The following PUM1 variants were observed in gnomAD, a reference collection of about 807,000 sequenced individuals.
PUM1 encodes pumilio RNA binding family member 1, also known as pumilio homolog 1.
Under a neutral mutation model 131.8 loss-of-function variants are expected in PUM1, and 13 were observed. The ratio of observed to expected loss-of-function variants is 0.10; its 90% CI spans 0.06 to 0.16. The LOEUF (loss-of-function observed/expected upper bound fraction) is 0.16. Among genes scored for constraint, PUM1 ranks in the 10% least tolerant of loss-of-function variants. The pLI, the probability that PUM1 is intolerant of heterozygous loss-of-function variation, is 1.00. For synonymous variants in PUM1, 509 were observed against 556.5 expected (o/e 0.91, Z 1.20); for missense variants, 961 against 1,512.4 (o/e 0.64, Z 6.05).
intron 14 of PUM1, among the ~76,000 whole-genome samples, chr1:30,964,177 G>T (rs547848648): frequency 2.0e-5 from 3 of 152,122 alleles, no homozygotes; most frequent in African/African-American, 7.2e-5. Context: ...TGGTTTGAGA[G>T]TTTATATTTA....
intron 21 of PUM1, among the ~76,000 whole-genome samples, chr1:30,935,371 C>A (rs1360637861): frequency 5.9e-5 from 9 of 152,184 alleles, no homozygotes; most frequent in Non-Finnish European, 1.2e-4. Flanking sequence ...AGACACCCTG[C>A]CCATTCCTGG....
intron 20 of PUM1, among the ~76,000 whole-genome samples, chr1:30,940,886 A>G (rs1639415620): frequency 6.6e-6 from 1 of 152,214 alleles, no homozygotes; most frequent in Non-Finnish European, 1.5e-5. Context: ...ACAAGTTAAT[A>G]AAATATTCAG....
At chr1:31,005,100 TG>T in intron 5 of PUM1, among the ~76,000 whole-genome samples, 1 of 152,260 alleles carries the variant, frequency 6.6e-6, no homozygotes, top group African/African-American at 2.4e-5. Context: ...AAGACTCAAA[TG>T]GAAATACATC....
intron 3 of PUM1, among the ~76,000 whole-genome samples, chr1:31,026,047 T>C (rs1426489237): frequency 6.6e-6 from 1 of 151,168 alleles, no homozygotes; most frequent in Non-Finnish European, 1.5e-5. Flanking sequence ...AGCTCAGAAG[T>C]TCAAGACCAG....
chr1:30,995,186 T>C lies in PUM1; in HGVS notation c.755A>G (p.Lys252Arg), dbSNP rs1234966203. 1 of 1,614,044 alleles carries C rather than the reference T, an allele frequency of 6.2e-7. No homozygotes were observed. Among genetic ancestry groups the C allele is most frequent in the Non-Finnish European group, 8.5e-7 (1 of 1,180,028 alleles). Residue 252 changes from lysine (K) to arginine (R), a missense_variant, in exon 6 of 22, where the codon AAA (lysine) becomes AGA (arginine). Coordinates refer to ENST00000426105, the MANE Select transcript of PUM1 (RefSeq NM_001020658.2). ...PRDADSDEND[K>R]GEKKNKGTFD... ...CGTACCCTTGTTCTTCTTTTCACCTTTGTCGTTTTCATCACTGTCTGCATC... is the reference window on the plus strand; with the variant it reads ...CGTACCCTTGTTCTTCTTTTCACCTCTGTCGTTTTCATCACTGTCTGCATC...
chr1:30,986,928 G>T (rs940846972), intron 7 of PUM1, among the ~76,000 whole-genome samples: 4 of 152,082 alleles, frequency 2.6e-5, no homozygotes, highest in Non-Finnish European at 5.9e-5. Context: ...AACACATGCC[G>T]ATTTCCACTC....
chr1:31,014,619 C>T (rs1209957634), intron 3 of PUM1, among the ~76,000 whole-genome samples: 1 of 152,062 alleles, frequency 6.6e-6, no homozygotes, highest in South Asian at 2.1e-4. Flanking sequence ...GAAAACCTGT[C>T]TCTACTAAAA....
chr1:31,008,440 C>A (rs1187580276), intron 3 of PUM1, among the ~76,000 whole-genome samples: 1 of 151,874 alleles, frequency 6.6e-6, no homozygotes, highest in Non-Finnish European at 1.5e-5. Flanking sequence ...TGCACAGATA[C>A]CTAAGTTTCC....
At chr1:30,968,523 A>G in intron 10 of PUM1, 31 bp from the exon 11 acceptor site, 1 of 1,581,862 alleles carries the variant, frequency 6.3e-7, no homozygotes, top group Non-Finnish European at 8.5e-7. Context: ...TAACTCAACC[A>G]CTTTCTTTTC....
chr1:31,054,093 CAAAAA>C (rs368330168), intron 2 of PUM1, among the ~76,000 whole-genome samples: 81 of 54,876 alleles, frequency 1.5e-3, no homozygotes, highest in South Asian at 6.6e-3. Context: ...GACTTTATTT[CAAAAA>C]AAAAAAAAAA....
chr1:30,969,332 A>AAAG (rs56808779), intron 10 of PUM1, among the ~76,000 whole-genome samples: 28,836 of 133,320 alleles, frequency 0.22, 2,717 homozygotes, highest in Non-Finnish European at 0.27. Flanking sequence ...AAAAAAAAAA[A>AAAG]AAAAGAAAAA....
chr1:31,019,527 CA>C (rs1445422145), intron 3 of PUM1, among the ~76,000 whole-genome samples: 1 of 152,166 alleles, frequency 6.6e-6, no homozygotes, highest in Admixed American at 6.5e-5. Flanking sequence ...CCAAGCACAT[CA>C]AAAGATATCA....
intron 8 of PUM1, among the ~76,000 whole-genome samples, 176 bp downstream of exon 8, chr1:30,981,136 A>G (rs2124469047): frequency 6.6e-6 from 1 of 152,344 alleles, no homozygotes; most frequent in South Asian, 2.1e-4. Context: ...TCTACAAGCT[A>G]TGTCAAAACT....
At chr1:31,063,662 TA>T (rs1644415102) in intron 1 of PUM1, among the ~76,000 whole-genome samples, 1 of 152,104 alleles carries the variant, frequency 6.6e-6, no homozygotes, top group South Asian at 2.1e-4. Context: ...AATATCCACA[TA>T]AAAGAGGAGT....
intron 17 of PUM1, 51 bp from the exon 18 acceptor site, chr1:30,945,534 G>A: frequency 6.3e-7 from 1 of 1,597,246 alleles, no homozygotes; most frequent in Non-Finnish European, 8.6e-7. Flanking sequence ...CAAACATGTG[G>A]ACAAATAATA....
intron 7 of PUM1, among the ~76,000 whole-genome samples, chr1:30,984,857 T>C (rs1641486880): frequency 1.3e-5 from 2 of 152,182 alleles, no homozygotes; most frequent in African/African-American, 4.8e-5. Flanking sequence ...TGGCTTTTTT[T>C]TTCTAAACCT....
chr1:31,027,107 CAAT>C (rs1025139372), intron 3 of PUM1, among the ~76,000 whole-genome samples: 15 of 152,058 alleles, frequency 9.9e-5, no homozygotes, highest in Non-Finnish European at 1.8e-4. Flanking sequence ...GCTCACAAAA[CAAT>C]AATAGGGCAT....
intron 1 of PUM1, among the ~76,000 whole-genome samples, chr1:31,063,614 A>C (rs1421431243): frequency 6.6e-6 from 1 of 152,220 alleles, no homozygotes; most frequent in Non-Finnish European, 1.5e-5. Context: ...AAATTATACA[A>C]ATAAAAATTT....
chr1:30,966,383 T>G, intron 12 of PUM1, 105 bp from the exon 13 acceptor site: 1 of 1,120,428 alleles, frequency 8.9e-7, no homozygotes, highest in Non-Finnish European at 1.3e-6. Context: ...GCCTATCTTT[T>G]CAAAACAGAC....
Sources: allele counts gnomAD v4.1 joint callset (sites outside exome capture counted in the v4.1 genomes callset), GRCh38; gene constraint gnomAD v4.1.1; transcripts MANE v1.5; gene names NCBI Gene and HGNC (gene_info 2026-07-23, HGNC 2026-07-21).